Variants in PTPRD observed in about 807,000 individuals in gnomAD.
PTPRD encodes protein tyrosine phosphatase receptor type D.
A neutral mutation model predicts 214.5 loss-of-function variants in PTPRD; 34 were observed. That is an observed-to-expected ratio of 0.16 (90% CI 0.12 to 0.21). The LOEUF (loss-of-function observed/expected upper bound fraction) is 0.21, where lower values mean the gene tolerates loss of function less well. PTPRD is among the 10% of genes least tolerant of loss of function. The probability of loss-of-function intolerance (pLI) is 1.00; values close to 1 mark genes in which losing one functional copy is unlikely to be tolerated. For synonymous variants in PTPRD, 1,128 were observed against 845.7 expected (o/e 1.33, Z -5.79); for missense variants, 2,545 against 2,398.7 (o/e 1.06, Z -1.27).
chr9:9,664,664 T>C (rs139169623), intron 7 of PTPRD, among the ~76,000 whole-genome samples: 47 of 151,846 alleles, frequency 3.1e-4, no homozygotes, highest in Admixed American at 5.9e-4. Context: ...ATAAATTGTA[T>C]CCTTAATGCA....
At chr9:10,456,693 GT>G (rs1228991762) in intron 2 of PTPRD, among the ~76,000 whole-genome samples, 1 of 151,738 alleles carries the variant, frequency 6.6e-6, no homozygotes, top group Non-Finnish European at 1.5e-5. Flanking sequence ...TTTTCAGTGT[GT>G]TTTCTTTTCT....
intron 11 of PTPRD, among the ~76,000 whole-genome samples, chr9:9,010,329 A>T: frequency 6.6e-6 from 1 of 152,168 alleles, no homozygotes; most frequent in Non-Finnish European, 1.5e-5. Flanking sequence ...TATCCATAAG[A>T]CTTTTTGAGT....
chr9:8,564,664 T>C (rs1203603258), intron 14 of PTPRD, among the ~76,000 whole-genome samples: 1 of 152,192 alleles, frequency 6.6e-6, no homozygotes, highest in Non-Finnish European at 1.5e-5. Flanking sequence ...CGTGCCACTG[T>C]ACTCCAGCCT....
At chr9:9,396,888 G>GC (rs2068048188) in intron 9 of PTPRD, among the ~76,000 whole-genome samples, 1 of 151,992 alleles carries the variant, frequency 6.6e-6, no homozygotes, top group Non-Finnish European at 1.5e-5. Context: ...AATATGTTGT[G>GC]TTTATTCTTC....
At chr9:8,815,216 T>C (rs2096896711) in intron 11 of PTPRD, among the ~76,000 whole-genome samples, 1 of 152,132 alleles carries the variant, frequency 6.6e-6, no homozygotes, top group Admixed American at 6.6e-5. Flanking sequence ...ATTTCACATC[T>C]GATATAAGCT....
chr9:10,038,982 C>T (rs1026803783), intron 3 of PTPRD, among the ~76,000 whole-genome samples: 6 of 151,918 alleles, frequency 3.9e-5, no homozygotes, highest in African/African-American at 1.5e-4. Flanking sequence ...TCTTTTGTTG[C>T]TTACAGTGAG....
intron 2 of PTPRD, among the ~76,000 whole-genome samples, chr9:10,381,605 G>A (rs1424331047): frequency 6.6e-6 from 1 of 151,898 alleles, no homozygotes; most frequent in Non-Finnish European, 1.5e-5. Context: ...CTGTTATCTG[G>A]CTACAAAAGC....
At chr9:10,309,066 T>C (rs1042687323) in intron 3 of PTPRD, among the ~76,000 whole-genome samples, 2 of 152,050 alleles carry the variant, frequency 1.3e-5, no homozygotes, top group Admixed American at 6.6e-5. Context: ...CACCTCACTC[T>C]CCTATCAAGA....
chr9:10,269,289 G>C (rs2094285227), intron 3 of PTPRD, among the ~76,000 whole-genome samples: 1 of 152,202 alleles, frequency 6.6e-6, no homozygotes, highest in Non-Finnish European at 1.5e-5. Context: ...GGACAAGCAA[G>C]GGCTTGTGTA....
intron 14 of PTPRD, among the ~76,000 whole-genome samples, chr9:8,546,543 G>C (rs970902206): frequency 3.3e-5 from 5 of 151,416 alleles, no homozygotes; most frequent in African/African-American, 4.9e-5. Flanking sequence ...CTGTAGTCCA[G>C]GCTGGAGTGC....
chr9:8,579,745 G>A (rs990846230), intron 14 of PTPRD, among the ~76,000 whole-genome samples: 2 of 152,206 alleles, frequency 1.3e-5, no homozygotes, highest in African/African-American at 4.8e-5. Flanking sequence ...AGATTTATCA[G>A]GTGTTGTAAA....
intron 7 of PTPRD, among the ~76,000 whole-genome samples, chr9:9,584,030 G>A (rs1223919444): frequency 4.6e-5 from 7 of 151,962 alleles, no homozygotes; most frequent in Non-Finnish European, 1.0e-4. Context: ...AAACTCAAAT[G>A]CACATAAAAA....
intron 2 of PTPRD, among the ~76,000 whole-genome samples, chr9:10,419,315 C>G (rs1478070011): frequency 1.3e-5 from 2 of 151,882 alleles, no homozygotes; most frequent in East Asian, 2.0e-4. Context: ...TCTTTTGTTT[C>G]TAGCACACTG....
intron 9 of PTPRD, among the ~76,000 whole-genome samples, chr9:9,209,909 T>C (rs10977580): frequency 0.12 from 18,677 of 152,106 alleles, 1,320 homozygotes; most frequent in Middle Eastern, 0.16. Context: ...GAGCAAGCAG[T>C]ATGAGCTTTA....
At chr9:9,419,970 A>G (rs1375617658) in intron 8 of PTPRD, among the ~76,000 whole-genome samples, 1 of 151,688 alleles carries the variant, frequency 6.6e-6, no homozygotes, top group East Asian at 1.9e-4. Flanking sequence ...TAAGACTTTC[A>G]TATGTAATAT....
chr9:8,492,362 G>C (rs1322540991), intron 27 of PTPRD, among the ~76,000 whole-genome samples: 2 of 152,102 alleles, frequency 1.3e-5, no homozygotes, highest in African/African-American at 4.8e-5. Flanking sequence ...CACGTCATTT[G>C]AGTCTCGACT....
intron 14 of PTPRD, among the ~76,000 whole-genome samples, chr9:8,555,774 G>A (rs1431583442): frequency 1.3e-5 from 2 of 152,134 alleles, no homozygotes; most frequent in African/African-American, 4.8e-5. Context: ...TAGAAAGAGA[G>A]TCTACACGTG....
At chr9:10,031,873 T>C (rs541517601) in intron 4 of PTPRD, among the ~76,000 whole-genome samples, 3 of 152,010 alleles carry the variant, frequency 2.0e-5, no homozygotes, top group Admixed American at 1.3e-4. Flanking sequence ...GGCCCCTGGA[T>C]AACAGAAAAT....
chr9:8,729,541 C>T (rs564064721), intron 12 of PTPRD, among the ~76,000 whole-genome samples: 2 of 152,262 alleles, frequency 1.3e-5, no homozygotes, highest in East Asian at 1.9e-4. Context: ...CTAACATTCA[C>T]GAAACACCTA....
Sources: gnomAD v4.1 joint callset for allele counts (sites outside exome capture counted in the v4.1 genomes callset) on GRCh38, gnomAD v4.1.1 for gene constraint, MANE v1.5 for transcripts, NCBI Gene and HGNC (gene_info 2026-07-23, HGNC 2026-07-21) for gene names.